Variants in NUSAP1 observed in about 807,000 individuals in gnomAD.
NUSAP1 encodes nucleolar and spindle associated protein 1.
NUSAP1 carries 32 observed loss-of-function variants against 52.8 expected under a neutral mutation model. The observed-to-expected ratio is 0.61, with a 90% CI of 0.46 to 0.81. NUSAP1 has a LOEUF of 0.81. NUSAP1 is among the 40% of genes least tolerant of loss of function. NUSAP1 has a pLI of 0.00. For synonymous variants in NUSAP1, 195 were observed against 183.1 expected, an observed-to-expected ratio of 1.06 and a Z score of -0.52; for missense variants, 499 against 522.3, an observed-to-expected ratio of 0.96 and a Z score of 0.43.
chr15:41,343,159 A>G lies in NUSAP1; in HGVS notation c.162+705A>G, dbSNP rs993878616. 3.3e-5 allele frequency: 5 copies of G among 152,234 alleles called. No individual in the cohort carries two copies. In the East Asian group the frequency reaches 9.6e-4, roughly 29 times the overall value. The allele number at this position is 152,234 out of a possible 1,614,324, so 9.4% of individuals were successfully genotyped here. ...TCCTCTTCTTTAAAATGGAAATAAT[A>G]TCTGTTCTGCTGAACTGAGTGTTGT... On this transcript the variant is annotated intron_variant, in intron 2 of 10. Transcript: ENST00000559596.
At chr15:41,338,504 A>T (rs2048255284) in intron 1 of NUSAP1, among the ~76,000 whole-genome samples, 1 of 152,086 alleles carries the variant, frequency 6.6e-6, no homozygotes, top group Admixed American at 6.6e-5. Context: ...ACCTCTGGGC[A>T]CCATCTCCAG....
Position 41,350,990 on chromosome 15 carries a change from G to T in NUSAP1, c.309G>T (p.Gln103His), listed in dbSNP as rs1189892424. The T allele has an allele frequency of 2.5e-6, 4 of 1,599,604 alleles. No homozygotes were observed. Among genetic ancestry groups the T allele is most frequent in the African/African-American group, 1.3e-5 (1 of 74,252 alleles). The change falls in exon 4 of 11, where the codon CAG (glutamine) becomes CAT (histidine). Residue 103 changes from glutamine to histidine, a missense_variant and splice_region_variant. By Grantham distance (24) the Gln-to-His change is conservative. Transcript: ENST00000559596. The stretch of plus-strand genomic sequence containing the variant: ...TTATTTCCTTTTTAAATTTGTAGCA[G>T]AATCATTCAGAGATAAAAATAAGTA... ...KTVRVDPDSQ[Q>H]NHSEIKISNP...
Position 41,371,542 on chromosome 15 carries a change from TA to T in NUSAP1, c.867del (p.Asp290IlefsTer8). 1 of 1,600,686 alleles carries T rather than the reference TA, an allele frequency of 6.2e-7. No homozygotes were observed. The highest frequency in any genetic ancestry group is 8.5e-7 in the Non-Finnish European group (1 of 1,176,396). ...KTGVRFSAAT[K>X]DNEHKRSLTK... is the part of the protein sequence containing the mutation. ...TCCTATTTAGGTTTTCAGCTGCTAC[TA>T]AAGATAATGAGCATAAGCGTTCACT... On this transcript the variant is annotated frameshift_variant, in exon 8 of 11. Coordinates refer to ENST00000559596, the MANE Select transcript of NUSAP1 (RefSeq NM_016359.5). LOFTEE classifies it high-confidence loss of function.
chr15:41,338,793 T>TA (rs560430284), intron 1 of NUSAP1, among the ~76,000 whole-genome samples: 31,960 of 143,168 alleles, frequency 0.22, 3,547 homozygotes, highest in Non-Finnish European at 0.25. Flanking sequence ...CCGTCTCTAC[T>TA]AAAAAAAAAA....
At chr15:41,364,782 C>T (rs2049319006) in intron 6 of NUSAP1, among the ~76,000 whole-genome samples, 1 of 151,914 alleles carries the variant, frequency 6.6e-6, no homozygotes, top group African/African-American at 2.4e-5. Context: ...GTGGGAGGAT[C>T]GCTTGAACCT....
intron 5 of NUSAP1, 116 bp from the exon 6 acceptor site, chr15:41,358,033 T>C (rs1398537982): frequency 5.8e-6 from 3 of 516,816 alleles, no homozygotes; most frequent in Non-Finnish European, 1.0e-5. Flanking sequence ...GCAAAAATTA[T>C]ATTGAAGTTG....
chr15:41,365,374 C>G (rs1238632411), intron 6 of NUSAP1, 28 bp from the exon 7 acceptor site: 2 of 1,569,956 alleles, frequency 1.3e-6, no homozygotes, highest in Non-Finnish European at 1.7e-6. Context: ...AGAGGCCAAG[C>G]TTTTAAAATG....
intron 8 of NUSAP1, among the ~76,000 whole-genome samples, chr15:41,372,974 A>G (rs575665959): frequency 4.6e-5 from 7 of 151,454 alleles, no homozygotes; most frequent in African/African-American, 7.3e-5. Flanking sequence ...TATCATCCCA[A>G]CTACTCAAGA....
At chr15:41,363,315 C>CTG (rs201896404) in intron 6 of NUSAP1, among the ~76,000 whole-genome samples, 1 of 148,232 alleles carries the variant, frequency 6.7e-6, no homozygotes, top group East Asian at 2.0e-4. Context: ...TCTTGCCTGT[C>CTG]TGTGTGTGTG....
intron 3 of NUSAP1, among the ~76,000 whole-genome samples, chr15:41,350,387 C>T (rs995511641): frequency 1.3e-5 from 2 of 151,732 alleles, no homozygotes; most frequent in Non-Finnish European, 2.9e-5. Flanking sequence ...ATTTGTAAAA[C>T]ATAATCATGC....
rs1005177156 is a variant in NUSAP1 at position 41,335,584 on chromosome 15, A to G, written c.93+2534A>G. ...ATATTTAATATACTAAATATATTAT[A>G]CTATAAATAAATATAAATACTATAC... On this transcript the variant is annotated intron_variant, in intron 1 of 10. Coordinates refer to ENST00000559596, the MANE Select transcript of NUSAP1 (RefSeq NM_016359.5). 2.2e-5 allele frequency among the ~76,000 whole-genome samples: 3 copies of G among 138,494 alleles called. No individual in the cohort carries two copies. The East Asian group carries it at 6.2e-4, about 29-fold the overall frequency. The allele number at this position is 138,494 out of a possible 152,430, so 90.9% of individuals were successfully genotyped here.
intron 9 of NUSAP1, 52 bp from the exon 10 acceptor site, chr15:41,377,144 G>C (rs535355967): frequency 3.4e-5 from 31 of 919,384 alleles, no homozygotes; most frequent in Non-Finnish European, 5.2e-5. Context: ...ATGAAGTTGG[G>C]AATATAAATC....
At chr15:41,363,855 C>T (rs1416736749) in intron 6 of NUSAP1, among the ~76,000 whole-genome samples, 1 of 152,086 alleles carries the variant, frequency 6.6e-6, no homozygotes, top group African/African-American at 2.4e-5. Flanking sequence ...AAGACAGATA[C>T]CCTAAGTGAA....
chr15:41,359,053 C>G (rs780397319), intron 6 of NUSAP1, among the ~76,000 whole-genome samples: 4 of 152,162 alleles, frequency 2.6e-5, no homozygotes, highest in African/African-American at 9.7e-5. Context: ...GAGTAACATT[C>G]TAGCAAGTTG....
intron 8 of NUSAP1, among the ~76,000 whole-genome samples, chr15:41,375,302 C>T (rs926420396): frequency 1.3e-5 from 2 of 151,908 alleles, no homozygotes; most frequent in Non-Finnish European, 2.9e-5. Context: ...CTCAGCCTCC[C>T]GAGTAGCTGG....
chr15:41,369,800 G>T lies in NUSAP1; in HGVS notation c.849-1727G>T, dbSNP rs188076705. Among the ~76,000 whole-genome samples, 4 of 152,248 alleles carry T rather than the reference G, an allele frequency of 2.6e-5. No individual in the cohort carries two copies. The East Asian group carries it at 7.7e-4, about 29-fold the overall frequency. On this transcript the variant is annotated intron_variant, in intron 7 of 10. Transcript: ENST00000559596. ...AAGACAAATTAGACCAGGCATGGTG[G>T]CTCACACCTGTAATCCTAGCACTTT...
intron 1 of NUSAP1, among the ~76,000 whole-genome samples, chr15:41,336,033 G>C (rs1020656948): frequency 1.3e-5 from 2 of 150,980 alleles, no homozygotes; most frequent in Non-Finnish European, 2.9e-5. Context: ...GCCAAGGCAG[G>C]TGTCTCACCT....
intron 1 of NUSAP1, among the ~76,000 whole-genome samples, chr15:41,339,922 C>T (rs1368974226): frequency 6.6e-6 from 1 of 152,070 alleles, no homozygotes; most frequent in African/African-American, 2.4e-5. Context: ...GCTCAGACTA[C>T]AGGTGCCCAC....
intron 6 of NUSAP1, among the ~76,000 whole-genome samples, chr15:41,363,284 T>TAAA (rs751252600): frequency 8.8e-6 from 1 of 113,998 alleles, no homozygotes; most frequent in Non-Finnish European, 1.8e-5. Context: ...AGTCTCCATC[T>TAAA]AAAAAAAAAA....
Sources: allele counts gnomAD v4.1 joint callset (sites outside exome capture counted in the v4.1 genomes callset), GRCh38; gene constraint gnomAD v4.1.1; transcripts MANE v1.5; gene names NCBI Gene and HGNC (gene_info 2026-07-23, HGNC 2026-07-21).